HDDC2: variants seen among roughly 807,000 people sequenced by gnomAD.
HDDC2 encodes 5'-deoxynucleotidase HDDC2.
In HDDC2, 25 loss-of-function variants were observed where a neutral mutation model predicts 25.5. That is an observed-to-expected ratio of 0.98 (90% CI 0.72 to 1.37). The LOEUF (loss-of-function observed/expected upper bound fraction) is 1.37, where lower values mean the gene tolerates loss of function less well. Among genes scored for constraint, HDDC2 ranks in the 40% most tolerant of loss-of-function variants. HDDC2 has a pLI of 0.00. For synonymous variants in HDDC2, 106 were observed against 89.7 expected (o/e 1.18, Z -1.03); for missense variants, 264 against 253.1 (o/e 1.04, Z -0.29).
intron 1 of HDDC2, 72 bp downstream of exon 1, chr6:125,301,777 G>C (rs911947393): frequency 1.1e-5 from 13 of 1,139,448 alleles, no homozygotes; most frequent in South Asian, 1.4e-5. Context: ...GGCCGAGCGG[G>C]GAGGCCGGAA....
At chr6:125,285,627 C>A (rs1798522951) in intron 4 of HDDC2, among the ~76,000 whole-genome samples, 1 of 151,382 alleles carries the variant, frequency 6.6e-6, no homozygotes, top group Admixed American at 6.6e-5. Flanking sequence ...AACTATACCT[C>A]AAGAAAACCT....
At position 125,298,705 on chromosome 6, in the gene HDDC2, A is replaced by C; in HGVS notation, c.309+9T>G. The C allele has an allele frequency of 6.2e-7, 1 of 1,608,888 alleles. No individual in the cohort carries two copies. The highest frequency in any genetic ancestry group is 1.1e-5 in the South Asian group (1 of 90,958). ...GTGGTTTTTTGCACAGTCAATAGTCAACACTGACCTCTTCTCGCCTATGTT... is the reference window on the plus strand; with the variant it reads ...GTGGTTTTTTGCACAGTCAATAGTCCACACTGACCTCTTCTCGCCTATGTT... On this transcript the variant is annotated intron_variant, in intron 3 of 5. Transcript: ENST00000398153.
intron 5 of HDDC2, chr6:125,276,730 T>C (rs1261155794): frequency 5.2e-5 from 14 of 268,502 alleles, no homozygotes; most frequent in Admixed American, 3.4e-4. Context: ...TACACTTCAA[T>C]TGGCTGATCT....
chr6:125,289,931 T>A (rs1447607555), intron 4 of HDDC2, among the ~76,000 whole-genome samples: 1 of 152,216 alleles, frequency 6.6e-6, no homozygotes, highest in Admixed American at 6.5e-5. Flanking sequence ...TGTGATACTT[T>A]CAGAAAAATA....
chr6:125,291,211 A>G (rs1227333910), intron 4 of HDDC2, among the ~76,000 whole-genome samples: 1 of 152,178 alleles, frequency 6.6e-6, no homozygotes, highest in African/African-American at 2.4e-5. Flanking sequence ...GACGAGGCAC[A>G]CTTTTCTAAA....
At chr6:125,300,376 G>A in intron 2 of HDDC2, 162 bp downstream of exon 2, 1 of 804,636 alleles carries the variant, frequency 1.2e-6, no homozygotes, top group South Asian at 2.2e-5. Context: ...CAACAACTGA[G>A]GCAACATAAC....
In HDDC2 at chr6:125,276,218, G is replaced by A. The variant is rs748676246; in HGVS notation, c.543C>T (p.Val181=). ...TAGKFNHPEI[V]QLVSELEAER... ...CTGCCTCAAGTTCAGAAACAAGCTG[G>A]ACTATCTCAGGGTGATTGAATTTTC... Residue 181 remains valine (V), a synonymous_variant, in exon 6 of 6, where the codon GTC becomes GTT. Coordinates refer to ENST00000398153, the MANE Select transcript of HDDC2 (RefSeq NM_016063.3). 3 of 1,614,044 alleles carry A rather than the reference G, an allele frequency of 1.9e-6. No individual in the cohort carries two copies. Among genetic ancestry groups the A allele is most frequent in the South Asian group, 2.2e-5 (2 of 91,074 alleles).
At chr6:125,292,114 G>A (rs143324596) in intron 4 of HDDC2, among the ~76,000 whole-genome samples, 1 of 152,240 alleles carries the variant, frequency 6.6e-6, no homozygotes, top group African/African-American at 2.4e-5. Context: ...AAGTGAGAGT[G>A]GGAGGAAAAG....
chr6:125,287,052 T>A (rs1178436504), intron 4 of HDDC2, among the ~76,000 whole-genome samples: 1 of 151,952 alleles, frequency 6.6e-6, no homozygotes, highest in African/African-American at 2.4e-5. Flanking sequence ...CTGTATAAAA[T>A]AAGAGAACAG....
At chr6:125,287,315 T>C (rs1386702512) in intron 4 of HDDC2, among the ~76,000 whole-genome samples, 1 of 152,146 alleles carries the variant, frequency 6.6e-6, no homozygotes, top group Non-Finnish European at 1.5e-5. Context: ...ATCAGGGTAG[T>C]GGTAACTTTT....
chr6:125,285,290 G>A (rs1798514942), intron 4 of HDDC2, among the ~76,000 whole-genome samples: 1 of 151,836 alleles, frequency 6.6e-6, no homozygotes, highest in Non-Finnish European at 1.5e-5. Context: ...TTCTGCACAT[G>A]TATCCCAGAA....
intron 4 of HDDC2, among the ~76,000 whole-genome samples, chr6:125,286,807 G>A (rs752367020): frequency 6.6e-6 from 1 of 152,118 alleles, no homozygotes; most frequent in Non-Finnish European, 1.5e-5. Flanking sequence ...TTTCCTATGT[G>A]AACTGTAATC....
chr6:125,291,875 C>T lies in HDDC2; in HGVS notation c.378+966G>A, dbSNP rs575274195. Among the ~76,000 whole-genome samples, 4 of 152,282 alleles carry T rather than the reference C, an allele frequency of 2.6e-5. No homozygotes were observed. In the South Asian group the frequency reaches 6.2e-4, roughly 24 times the overall value. On this transcript the variant is annotated intron_variant, in intron 4 of 5. Transcript: ENST00000398153. ...AGTGCCATACAGAATCTGAGCGTTA[C>T]ATGGCATTTCTAGAAGGAGTTGTGC... is the stretch of plus-strand genomic sequence containing the variant.
intron 4 of HDDC2, among the ~76,000 whole-genome samples, chr6:125,280,644 C>A (rs967196064): frequency 6.6e-6 from 1 of 152,248 alleles, no homozygotes; most frequent in Non-Finnish European, 1.5e-5. Context: ...TGCAAAGCCG[C>A]CGTAGCAAGA....
intron 4 of HDDC2, among the ~76,000 whole-genome samples, chr6:125,280,408 A>T (rs1260780940): frequency 1.3e-5 from 2 of 152,184 alleles, no homozygotes; most frequent in Non-Finnish European, 2.9e-5. Flanking sequence ...TCCCCTAGAA[A>T]GGGGGCTGAA....
At chr6:125,291,946 G>A (rs1183624120) in intron 4 of HDDC2, among the ~76,000 whole-genome samples, 1 of 152,106 alleles carries the variant, frequency 6.6e-6, no homozygotes, top group Non-Finnish European at 1.5e-5. Flanking sequence ...TAAGACAAGG[G>A]ACAACCTGAC....
At chr6:125,288,378 G>C (rs1190069396) in intron 4 of HDDC2, among the ~76,000 whole-genome samples, 1 of 152,140 alleles carries the variant, frequency 6.6e-6, no homozygotes, top group Non-Finnish European at 1.5e-5. Context: ...TGTGACCCCA[G>C]TCCCCACGGC....
chr6:125,289,533 A>C (rs1368296730), intron 4 of HDDC2, among the ~76,000 whole-genome samples: 2 of 151,868 alleles, frequency 1.3e-5, no homozygotes, highest in African/African-American at 2.4e-5. Context: ...ACAAAAAAAA[A>C]ACATTTCCTT....
intron 4 of HDDC2, among the ~76,000 whole-genome samples, chr6:125,288,012 T>TA (rs1379119814): frequency 2.0e-5 from 3 of 152,026 alleles, no homozygotes; most frequent in African/African-American, 4.8e-5. Flanking sequence ...TGTGAGGAAG[T>TA]AGAGTTGGGG....
Sources: allele counts gnomAD v4.1 joint callset (sites outside exome capture counted in the v4.1 genomes callset), GRCh38; gene constraint gnomAD v4.1.1; transcripts MANE v1.5; gene names NCBI Gene and HGNC (gene_info 2026-07-23, HGNC 2026-07-21).